The following HS3ST4 variants were observed in gnomAD, a reference collection of about 807,000 sequenced individuals.
HS3ST4 encodes the protein heparan sulfate glucosamine 3-O-sulfotransferase 4.
HS3ST4 carries 17 observed loss-of-function variants against 29.2 expected under a neutral mutation model. That is an observed-to-expected ratio of 0.58 (90% CI 0.40 to 0.87). HS3ST4 has a LOEUF of 0.87. HS3ST4 is among the 40% of genes least tolerant of loss of function. The probability of loss-of-function intolerance (pLI) is 0.00; values close to 1 mark genes in which losing one functional copy is unlikely to be tolerated. For synonymous variants in HS3ST4, 314 were observed against 285.7 expected (o/e 1.10, Z -1.00); for missense variants, 627 against 634.5 (o/e 0.99, Z 0.13).
At chr16:25,719,019 A>G (rs1306202446) in intron 1 of HS3ST4, among the ~76,000 whole-genome samples, 3 of 152,248 alleles carry the variant, frequency 2.0e-5, no homozygotes, top group Non-Finnish European at 4.4e-5. Flanking sequence ...GTGATCAACC[A>G]TGTTGGATGT....
At chr16:26,132,464 G>A (rs1899432875) in intron 1 of HS3ST4, among the ~76,000 whole-genome samples, 2 of 152,102 alleles carry the variant, frequency 1.3e-5, no homozygotes, top group African/African-American at 4.8e-5. Flanking sequence ...CCCCTCTACT[G>A]TCTCCAAAGC....
At chr16:25,967,186 G>A (rs370228728) in intron 1 of HS3ST4, among the ~76,000 whole-genome samples, 16 of 152,082 alleles carry the variant, frequency 1.1e-4, no homozygotes, top group African/African-American at 3.9e-4. Context: ...AATCTCGCTC[G>A]CTCTATTACC....
chr16:25,756,127 T>C (rs5008215), intron 1 of HS3ST4, among the ~76,000 whole-genome samples: 284 of 140,658 alleles, frequency 2.0e-3, no homozygotes, highest in African/African-American at 5.5e-3. Flanking sequence ...CACACACACA[T>C]ACACACACAC....
chr16:25,854,734 T>C (rs577125756), intron 1 of HS3ST4, among the ~76,000 whole-genome samples: 2 of 151,660 alleles, frequency 1.3e-5, no homozygotes, highest in South Asian at 2.1e-4. Context: ...TATAATCCAC[T>C]GTTATTTTAC....
chr16:26,031,812 TACA>T (rs1274927748), intron 1 of HS3ST4, among the ~76,000 whole-genome samples: 2 of 151,720 alleles, frequency 1.3e-5, no homozygotes, highest in South Asian at 2.1e-4. Flanking sequence ...GTTAACAGTA[TACA>T]ACAACTTTCA....
intron 1 of HS3ST4, among the ~76,000 whole-genome samples, chr16:25,916,931 G>A (rs546484584): frequency 1.3e-5 from 2 of 151,834 alleles, no homozygotes; most frequent in African/African-American, 4.8e-5. Flanking sequence ...CACCCGTCTC[G>A]GCCTCTCAAA....
At chr16:25,706,857 C>T (rs1370581321) in intron 1 of HS3ST4, among the ~76,000 whole-genome samples, 1 of 152,200 alleles carries the variant, frequency 6.6e-6, no homozygotes, top group South Asian at 2.1e-4. Context: ...CAGAAGGCTT[C>T]TCTTATCCGC....
intron 1 of HS3ST4, among the ~76,000 whole-genome samples, chr16:25,889,662 T>C (rs181031185): frequency 6.6e-5 from 10 of 152,322 alleles, no homozygotes; most frequent in African/African-American, 2.2e-4. Flanking sequence ...TGTTTTCGTG[T>C]ATAGCAACAT....
At chr16:25,929,658 C>T (rs1318370143) in intron 1 of HS3ST4, among the ~76,000 whole-genome samples, 1 of 152,124 alleles carries the variant, frequency 6.6e-6, no homozygotes, top group African/African-American at 2.4e-5. Context: ...CAGTTTTCAG[C>T]ATTAGAATCT....
In HS3ST4 at chr16:25,724,293, C is replaced by T. The variant is rs532030052; in HGVS notation, c.734+31142C>T. On this transcript the variant is annotated intron_variant, in intron 1 of 1. Transcript: ENST00000331351. ...GCTGAGCAATTTCAGCAGATACCTGCCACACTGGGGCGAAACAGAAGTTTA... is the reference window on the plus strand; with the variant it reads ...GCTGAGCAATTTCAGCAGATACCTGTCACACTGGGGCGAAACAGAAGTTTA... Among the ~76,000 whole-genome samples the T allele has an allele frequency of 5.3e-5, 8 of 152,208 alleles. No homozygotes were observed. The East Asian group carries it at 1.5e-3, about 29-fold the overall frequency.
intron 1 of HS3ST4, among the ~76,000 whole-genome samples, chr16:25,746,219 A>G (rs770856131): frequency 1.3e-5 from 2 of 152,160 alleles, no homozygotes; most frequent in Non-Finnish European, 2.9e-5. Context: ...CTTGGAAAAC[A>G]TTTTCAAGTG....
chr16:26,014,483 C>T (rs1258575453), intron 1 of HS3ST4, among the ~76,000 whole-genome samples: 1 of 152,200 alleles, frequency 6.6e-6, no homozygotes, highest in African/African-American at 2.4e-5. Context: ...TCTCATTTCA[C>T]ACCCTCCTCT....
chr16:25,906,151 T>G (rs1004759434), intron 1 of HS3ST4, among the ~76,000 whole-genome samples: 4 of 152,102 alleles, frequency 2.6e-5, no homozygotes, highest in Admixed American at 2.0e-4. Context: ...AATTGGCAAT[T>G]TGGGGTGTTG....
At chr16:25,880,020 G>C (rs1222655176) in intron 1 of HS3ST4, among the ~76,000 whole-genome samples, 1 of 152,136 alleles carries the variant, frequency 6.6e-6, no homozygotes, top group African/African-American at 2.4e-5. Flanking sequence ...CCCCACCCTT[G>C]ACATGTGGGG....
chr16:25,836,859 A>T (rs758334689), intron 1 of HS3ST4, among the ~76,000 whole-genome samples: 2 of 152,216 alleles, frequency 1.3e-5, no homozygotes, highest in Admixed American at 6.5e-5. Context: ...TACACAATTT[A>T]TAGTTAAGGT....
intron 1 of HS3ST4, among the ~76,000 whole-genome samples, chr16:25,779,430 A>T (rs2141614587): frequency 6.6e-6 from 1 of 152,320 alleles, no homozygotes; most frequent in South Asian, 2.1e-4. Flanking sequence ...TCTGATCTTG[A>T]AGCCCATATT....
intron 1 of HS3ST4, among the ~76,000 whole-genome samples, chr16:25,994,481 G>A (rs1171094161): frequency 6.6e-6 from 1 of 151,838 alleles, no homozygotes. Flanking sequence ...TTATTTATGA[G>A]TCACCATTTT....
intron 1 of HS3ST4, among the ~76,000 whole-genome samples, chr16:26,068,817 G>T (rs545860683): frequency 6.6e-6 from 1 of 151,586 alleles, no homozygotes; most frequent in Non-Finnish European, 1.5e-5. Flanking sequence ...TAATATGTAG[G>T]TGAATTGTTT....
At chr16:26,046,332 G>A (rs777863366) in intron 1 of HS3ST4, among the ~76,000 whole-genome samples, 50 of 151,868 alleles carry the variant, frequency 3.3e-4, no homozygotes, top group Non-Finnish European at 4.6e-4. Flanking sequence ...TGTGTTTTTA[G>A]TAGAGACAGG....
Sources: gnomAD v4.1 joint callset for allele counts (sites outside exome capture counted in the v4.1 genomes callset) on GRCh38, gnomAD v4.1.1 for gene constraint, MANE v1.5 for transcripts, NCBI Gene and HGNC (gene_info 2026-07-23, HGNC 2026-07-21) for gene names.